Variants in GID4 observed in about 807,000 individuals in gnomAD.
The protein encoded by GID4 is GID complex subunit 4 homolog, also known as glucose-induced degradation protein 4 homolog.
A neutral mutation model predicts 32.4 loss-of-function variants in GID4; 7 were observed. That is an observed-to-expected ratio of 0.22 (90% confidence interval 0.12 to 0.41). The LOEUF is 0.41. Ranked by LOEUF, GID4 falls within the 10% of genes least tolerant of loss-of-function variation. The pLI is 1.00. For missense variants in GID4, 309 were observed against 400.0 expected, an observed-to-expected ratio of 0.77 and a Z score of 1.94; for synonymous variants, 166 against 170.0, an observed-to-expected ratio of 0.98 and a Z score of 0.18.
chr17:18,050,427 G>A (rs546078798), intron 2 of GID4, among the ~76,000 whole-genome samples: 14 of 152,302 alleles, frequency 9.2e-5, no homozygotes, highest in South Asian at 8.3e-4. Context: ...CAAGAGAGGC[G>A]ACCTTTCCGG....
chr17:18,043,107 G>T (rs974017541), intron 1 of GID4, among the ~76,000 whole-genome samples: 3 of 152,188 alleles, frequency 2.0e-5, no homozygotes, highest in Non-Finnish European at 4.4e-5. Flanking sequence ...ATATTTAAAA[G>T]AACAGCCGTT....
In GID4 at chr17:18,065,647, C is replaced by A; in HGVS notation, c.*404C>A. On this transcript the variant is annotated 3_prime_UTR_variant, in exon 6 of 6. Coordinates refer to ENST00000268719, the MANE Select transcript of GID4 (RefSeq NM_024052.5). ...TCCCGAGGCCCTAGACCCCCACCCC[C>A]CGCCAGTTGCTTTGTCTGGTAGCTC... 4.3e-6 allele frequency: 1 copy of A among 231,874 alleles called. No homozygotes were observed. The highest frequency in any genetic ancestry group is 5.5e-5 in the South Asian group (1 of 18,180). 14.4% of individuals were successfully genotyped at this position (231,874 alleles called of 1,614,324 possible). A position where few individuals can be genotyped will look rare whatever the true frequency, so the allele number is the denominator to read the frequency against.
chr17:18,039,427 T>G lies in GID4; in HGVS notation c.-38T>G. The G allele has an allele frequency of 7.0e-6, 9 of 1,285,424 alleles. No homozygotes were observed. Among genetic ancestry groups the G allele is most frequent in the Middle Eastern group, 2.7e-4 (1 of 3,746 alleles). 79.6% of individuals were successfully genotyped at this position (1,285,424 alleles called of 1,614,324 possible). On this transcript the variant is annotated 5_prime_UTR_variant, in exon 1 of 6. Transcript: ENST00000268719. This position sits in a 1 kb window ranked among gnomAD's most constrained non-coding sequence, Gnocchi z 5.3. The stretch of plus-strand genomic sequence containing the variant: ...CGGGGTGTGTGTGTGTCTGTGTGTG[T>G]TTGTGTGTTGTGTGTCTGTGAGTGT...
At chr17:18,053,343 T>C (rs2044933117) in intron 2 of GID4, among the ~76,000 whole-genome samples, 1 of 149,160 alleles carries the variant, frequency 6.7e-6, no homozygotes, top group Non-Finnish European at 1.5e-5. Flanking sequence ...CTGGGTGCGG[T>C]GGCTCACACC....
chr17:18,046,475 T>G (rs7207461), intron 2 of GID4, among the ~76,000 whole-genome samples: 90,020 of 151,544 alleles, frequency 0.59, 27,840 homozygotes, highest in Non-Finnish European at 0.68. Flanking sequence ...AGGCATGGTG[T>G]TGTGTGCCTG....
At position 18,058,499 on chromosome 17, in the gene GID4, G is replaced by A. The variant is rs374622702; in HGVS notation, c.607-369G>A. On this transcript the variant is annotated intron_variant, in intron 3 of 5. Transcript: ENST00000268719. ...AGGCTGTTTCTAAGCTGTTTTGCAT[G>A]GCTCTTTTTGCTACTTCGGATTTAC... Among the ~76,000 whole-genome samples, 14 of 152,286 alleles carry A rather than the reference G, an allele frequency of 9.2e-5. No individual in the cohort carries two copies. The East Asian group carries it at 2.1e-3, about 23-fold the overall frequency.
chr17:18,041,080 C>G (rs979659757), intron 1 of GID4, among the ~76,000 whole-genome samples: 1 of 152,066 alleles, frequency 6.6e-6, no homozygotes, highest in Non-Finnish European at 1.5e-5. Flanking sequence ...CTAAGGACCC[C>G]TTTCCCCTTC....
At chr17:18,062,540 G>T (rs1268659635) in intron 5 of GID4, among the ~76,000 whole-genome samples, 1 of 152,162 alleles carries the variant, frequency 6.6e-6, no homozygotes, top group Non-Finnish European at 1.5e-5. Context: ...TGCTTTTTAA[G>T]CACCTTGCTG....
chr17:18,056,991 C>T, intron 3 of GID4: 2 of 1,549,216 alleles, frequency 1.3e-6, no homozygotes, highest in African/African-American at 1.4e-5. Flanking sequence ...GTCTAATACA[C>T]TTCACCTAGG....
At chr17:18,051,058 C>T (rs1011883598) in intron 2 of GID4, among the ~76,000 whole-genome samples, 3 of 152,150 alleles carry the variant, frequency 2.0e-5, no homozygotes, top group Admixed American at 1.3e-4. Flanking sequence ...TGTAGTTACC[C>T]TGATATACTG....
chr17:18,049,266 G>A (rs1184909337), intron 2 of GID4, among the ~76,000 whole-genome samples: 1 of 150,568 alleles, frequency 6.6e-6, no homozygotes, highest in African/African-American at 2.5e-5. Context: ...AACCCAGGAG[G>A]CAGAGTTTGT....
rs754791891 is a variant in GID4 at position 18,065,194 on chromosome 17, A to G, written c.854A>G (p.Asn285Ser). ...CCCCCTTGCAGGTATCAGTCCCTCA[A>G]TCTAACCCATGTTCCTGAACACAGT... ...HRSSEWYQSL[N>S]LTHVPEHSAP... The change falls in exon 6 of 6, where the codon AAT becomes AGT. Residue 285 changes from asparagine (N) to serine (S), a missense_variant. By Grantham distance (46) the Asn-to-Ser change is conservative. This residue lies in a region of GID4 where 116 missense variants were observed against 214.2 expected (regional missense o/e 0.54). Transcript: ENST00000268719. 8.1e-6 allele frequency: 13 copies of G among 1,613,658 alleles called. No individual in the cohort carries two copies. The highest frequency in any genetic ancestry group is 1.1e-5 in the Non-Finnish European group (13 of 1,179,740).
rs2045077831 is a variant in GID4, at chr17:18,067,562, G to A, written c.*2319G>A. On this transcript the variant is annotated 3_prime_UTR_variant, in exon 6 of 6. Coordinates refer to ENST00000268719, the MANE Select transcript of GID4 (RefSeq NM_024052.5). Reference sequence around the variant, plus strand: ...AGTCTGCCCACTGAGGATAGGGAAAGGATTAAGGATTTTTCCACCTCCTCT... The same window carrying A: ...AGTCTGCCCACTGAGGATAGGGAAAAGATTAAGGATTTTTCCACCTCCTCT... 1 of 152,566 alleles carries A rather than the reference G, an allele frequency of 6.6e-6. No individual in the cohort carries two copies. Among genetic ancestry groups the A allele is most frequent in the African/African-American group, 2.4e-5 (1 of 41,426 alleles). The allele number at this position is 152,566 out of a possible 1,614,324, so 9.5% of individuals were successfully genotyped here. A position where few individuals can be genotyped will look rare whatever the true frequency, so the allele number is the denominator to read the frequency against.
chr17:18,053,717 T>C lies in GID4; in HGVS notation c.499-410T>C, dbSNP rs111520558. Reference sequence around the variant, plus strand: ...CTGAGCCAGTTGGAGAACCAGTGGCTTGAGGGAGCCTTAGTGGTAGACACA... The same window carrying C: ...CTGAGCCAGTTGGAGAACCAGTGGCCTGAGGGAGCCTTAGTGGTAGACACA... On this transcript the variant is annotated intron_variant, in intron 2 of 5. Transcript: ENST00000268719. Among the ~76,000 whole-genome samples, 3 of 152,182 alleles carry C rather than the reference T, an allele frequency of 2.0e-5. No homozygotes were observed. The East Asian group carries it at 5.8e-4, about 29-fold the overall frequency.
At chr17:18,049,355 G>A (rs916619117) in intron 2 of GID4, among the ~76,000 whole-genome samples, 17 of 141,454 alleles carry the variant, frequency 1.2e-4, no homozygotes, top group Admixed American at 1.1e-3. Context: ...AAAAAAAGGA[G>A]ATAAGTGTCA....
intron 2 of GID4, 49 bp from the exon 3 acceptor site, chr17:18,054,078 A>T (rs761579712): frequency 2.9e-6 from 3 of 1,041,966 alleles, no homozygotes; most frequent in East Asian, 2.4e-5. Flanking sequence ...TACAAAGGTT[A>T]AAAACTCTCA....
At position 18,066,462 on chromosome 17, in the gene GID4, G is replaced by A. The variant is rs1252103242; in HGVS notation, c.*1219G>A. ...GGCTCACGTGCCAAAGTGTGTGTGT[G>A]TGTGTGTGTGTGTGTGTGTGTGTAT... On this transcript the variant is annotated 3_prime_UTR_variant, in exon 6 of 6. Coordinates refer to ENST00000268719, the MANE Select transcript of GID4 (RefSeq NM_024052.5). 2 of 151,992 alleles carry A rather than the reference G, an allele frequency of 1.3e-5. No homozygotes were observed. The highest frequency in any genetic ancestry group is 2.9e-5 in the Non-Finnish European group (2 of 67,946). The allele number at this position is 151,992 out of a possible 1,614,324, so 9.4% of individuals were successfully genotyped here. A position where few individuals can be genotyped will look rare whatever the true frequency, so the allele number is the denominator to read the frequency against.
chr17:18,059,117 C>T (rs190327216), intron 4 of GID4, 148 bp downstream of exon 4: 11 of 593,564 alleles, frequency 1.9e-5, no homozygotes, highest in South Asian at 1.1e-4. Context: ...GGTCTTTGCA[C>T]GCCTATAAAA....
At chr17:18,049,415 A>G (rs2044888129) in intron 2 of GID4, among the ~76,000 whole-genome samples, 1 of 151,064 alleles carries the variant, frequency 6.6e-6, no homozygotes, top group Admixed American at 6.6e-5. Context: ...CACATTCACA[A>G]ACAAGCACAG....
Sources: allele counts gnomAD v4.1 joint callset (sites outside exome capture counted in the v4.1 genomes callset), GRCh38; gene constraint gnomAD v4.1.1; regional missense constraint gnomAD v4.1.1; non-coding constraint Gnocchi (gnomAD v3.1); transcripts MANE v1.5; gene names NCBI Gene and HGNC (gene_info 2026-07-23, HGNC 2026-07-21).